KCTD16: variants seen among roughly 807,000 people sequenced by gnomAD.
KCTD16 encodes BTB/POZ domain-containing protein KCTD16.
A neutral mutation model predicts 33.2 loss-of-function variants in KCTD16; 13 were observed. That is an observed-to-expected ratio of 0.39 (90% CI 0.25 to 0.62). The LOEUF is 0.62. KCTD16 is among the 20% of genes least tolerant of loss of function. The probability of loss-of-function intolerance (pLI) is 0.50; values close to 1 mark genes in which losing one functional copy is unlikely to be tolerated. For synonymous variants in KCTD16, 197 were observed against 195.3 expected, an observed-to-expected ratio of 1.01 and a Z score of -0.07; for missense variants, 441 against 525.1, an observed-to-expected ratio of 0.84 and a Z score of 1.57.
rs1429182239 is a variant in KCTD16 at position 144,482,689 on chromosome 5, G to T, written c.*8575G>T. 2.6e-5 allele frequency: 4 copies of T among 151,850 alleles called. No individual in the cohort carries two copies. Among genetic ancestry groups the T allele is most frequent in the African/African-American group, 9.7e-5 (4 of 41,352 alleles). The allele number at this position is 151,850 out of a possible 1,614,324, so 9.4% of individuals were successfully genotyped here. On this transcript the variant is annotated 3_prime_UTR_variant, in exon 4 of 4. Coordinates refer to ENST00000512467, the MANE Select transcript of KCTD16 (RefSeq NM_020768.4). Reference sequence around the variant, plus strand: ...CACCGAAATACGTGCATGCATGTGTGAGTGTGTGTGTGTGAGGAGTGTGTG... The same window carrying T: ...CACCGAAATACGTGCATGCATGTGTTAGTGTGTGTGTGTGAGGAGTGTGTG...
At chr5:144,378,966 G>A (rs187031642) in intron 3 of KCTD16, among the ~76,000 whole-genome samples, 1 of 152,264 alleles carries the variant, frequency 6.6e-6, no homozygotes, top group South Asian at 2.1e-4. Flanking sequence ...ATTAATTGTG[G>A]CCTTTCTCTT....
rs918530622 is a variant in KCTD16, at chr5:144,483,064, C to T, written c.*8950C>T. The T allele has an allele frequency of 3.4e-5, 5 of 148,422 alleles. No individual in the cohort carries two copies. The highest frequency in any genetic ancestry group is 7.4e-5 in the Non-Finnish European group (5 of 67,308). 9.2% of individuals were successfully genotyped at this position (148,422 alleles called of 1,614,324 possible). Reference sequence around the variant, plus strand: ...AAAGTGCATTTAAGGAAACACCAAACTTGTAAAAACTGGCTCTCTTATCCA... The same window carrying T: ...AAAGTGCATTTAAGGAAACACCAAATTTGTAAAAACTGGCTCTCTTATCCA... On this transcript the variant is annotated 3_prime_UTR_variant, in exon 4 of 4. Coordinates refer to ENST00000512467, the MANE Select transcript of KCTD16 (RefSeq NM_020768.4).
chr5:144,349,099 T>C (rs1752881572), intron 3 of KCTD16, among the ~76,000 whole-genome samples: 1 of 152,198 alleles, frequency 6.6e-6, no homozygotes, highest in Non-Finnish European at 1.5e-5. Context: ...TAATCTGGGC[T>C]GTTGGGCCTT....
intron 3 of KCTD16, among the ~76,000 whole-genome samples, chr5:144,321,518 C>T (rs1449336997): frequency 1.3e-5 from 2 of 152,142 alleles, no homozygotes; most frequent in African/African-American, 4.8e-5. Context: ...TAATAACAAA[C>T]TTCTCTGCTT....
Position 144,483,854 on chromosome 5 carries a change from G to A in KCTD16, c.*9740G>A, listed in dbSNP as rs1025390205. On this transcript the variant is annotated 3_prime_UTR_variant, in exon 4 of 4. Coordinates refer to ENST00000512467, the MANE Select transcript of KCTD16 (RefSeq NM_020768.4). ...AAGCACTTGTAAACTAATTAAGCAC[G>A]GTCACTGAATCCTTTTTTCACCAGC... The A allele has an allele frequency of 1.3e-5, 2 of 151,800 alleles. No homozygotes were observed. The highest frequency in any genetic ancestry group is 4.8e-5 in the African/African-American group (2 of 41,360). 9.4% of individuals were successfully genotyped at this position (151,800 alleles called of 1,614,324 possible).
chr5:144,450,782 C>T (rs1253451233), intron 3 of KCTD16, among the ~76,000 whole-genome samples: 1 of 151,978 alleles, frequency 6.6e-6, no homozygotes, highest in Non-Finnish European at 1.5e-5. Flanking sequence ...ATGGTAGTTA[C>T]TAGGTATCGA....
rs145389174 is a variant in KCTD16, at chr5:144,209,908, G to GTATATA, written c.832+2373_832+2378dup. 1.3e-3 allele frequency among the ~76,000 whole-genome samples: 179 copies of GTATATA among 142,348 alleles called. 1 individual carries two copies. The highest frequency in any genetic ancestry group is 4.5e-3 in the African/African-American group (173 of 38,754). The allele number at this position is 142,348 out of a possible 152,430, so 93.4% of individuals were successfully genotyped here. Reference sequence around the variant, plus strand: ...TATATATATGTGTGTGTATATATATGTATATATATATATATACAAGCTCCT... The same window carrying GTATATA: ...TATATATATGTGTGTGTATATATATGTATATATATATATATATATATACAAGCTCCT... On this transcript the variant is annotated intron_variant, in intron 3 of 3. Transcript: ENST00000512467.
At chr5:144,393,964 T>C (rs1752508845) in intron 3 of KCTD16, among the ~76,000 whole-genome samples, 1 of 114,414 alleles carries the variant, frequency 8.7e-6, no homozygotes, top group Non-Finnish European at 1.8e-5. Flanking sequence ...TTCTTTTTTC[T>C]TTTTTTTTTT....
intron 3 of KCTD16, among the ~76,000 whole-genome samples, chr5:144,396,166 T>C (rs1053560138): frequency 7.2e-5 from 11 of 152,034 alleles, no homozygotes; most frequent in Non-Finnish European, 1.5e-4. Flanking sequence ...ACTGCAGGGA[T>C]TTATTAGGCT....
In KCTD16 at chr5:144,453,620, C is replaced by T. The variant is rs144782409; in HGVS notation, c.833-20040C>T. Among the ~76,000 whole-genome samples the T allele has an allele frequency of 2.0e-3, 303 of 152,102 alleles. 2 individuals are homozygous for T. Among genetic ancestry groups the T allele is most frequent in the African/African-American group, 6.8e-3 (281 of 41,492 alleles). On this transcript the variant is annotated intron_variant, in intron 3 of 3. Transcript: ENST00000512467. ...ATAGAAGAAATAATTATTTATTTTA[C>T]ACGATAAAAAATAAAATGTCATTAT...
At chr5:144,256,098 C>A (rs1274309712) in intron 3 of KCTD16, among the ~76,000 whole-genome samples, 1 of 152,204 alleles carries the variant, frequency 6.6e-6, no homozygotes, top group Non-Finnish European at 1.5e-5. Context: ...GAGATTATGA[C>A]TGTTACGTTA....
At chr5:144,417,352 GCATTTC>G (rs1753081757) in intron 3 of KCTD16, among the ~76,000 whole-genome samples, 1 of 151,898 alleles carries the variant, frequency 6.6e-6, no homozygotes, top group Non-Finnish European at 1.5e-5. Flanking sequence ...ATTTTCATTT[GCATTTC>G]CCTAATGACT....
intron 3 of KCTD16, among the ~76,000 whole-genome samples, chr5:144,438,474 C>T (rs2126974894): frequency 6.6e-6 from 1 of 152,324 alleles, no homozygotes; most frequent in Non-Finnish European, 1.5e-5. Context: ...GTGGGTATCA[C>T]TCCTAGACAA....
At position 144,206,720 on chromosome 5, in the gene KCTD16, T is replaced by C; in HGVS notation, c.6T>C (p.Ala2=). The C allele has an allele frequency of 1.2e-6, 2 of 1,611,374 alleles. No homozygotes were observed. Among genetic ancestry groups the C allele is most frequent in the Non-Finnish European group, 1.7e-6 (2 of 1,178,250 alleles). Residue 2 remains alanine (A), a synonymous_variant, in exon 3 of 4, where the codon GCT becomes GCC. Coordinates refer to ENST00000512467, the MANE Select transcript of KCTD16 (RefSeq NM_020768.4). M[A]LSGNCSRYYP... The stretch of plus-strand genomic sequence containing the variant: ...AGCAGCAGAAGAAAGGGACAATGGC[T>C]CTGAGTGGAAACTGTAGTCGTTATT...
At chr5:144,345,715 A>AT (rs895996880) in intron 3 of KCTD16, among the ~76,000 whole-genome samples, 1 of 152,034 alleles carries the variant, frequency 6.6e-6, no homozygotes, top group South Asian at 2.1e-4. Flanking sequence ...ATTAGATTTT[A>AT]TTTTTGTGGG....
rs550500777 is a variant in KCTD16 at position 144,479,565 on chromosome 5, T to C, written c.*5451T>C. On this transcript the variant is annotated 3_prime_UTR_variant, in exon 4 of 4. Coordinates refer to ENST00000512467, the MANE Select transcript of KCTD16 (RefSeq NM_020768.4). ...TTGAGTAAATATTGCCAAAGGAAAG[T>C]GAAGGATGTTTAATGAAACTGATGA... The C allele has an allele frequency of 6.6e-6, 1 of 151,832 alleles. No homozygotes were observed. The highest frequency in any genetic ancestry group is 1.5e-5 in the Non-Finnish European group (1 of 67,868). 9.4% of individuals were successfully genotyped at this position (151,832 alleles called of 1,614,324 possible).
chr5:144,433,048 A>T (rs1396613499), intron 3 of KCTD16, among the ~76,000 whole-genome samples: 1 of 152,272 alleles, frequency 6.6e-6, no homozygotes, highest in African/African-American at 2.4e-5. Flanking sequence ...TGGCAGAACC[A>T]CGTGTGTACC....
intron 3 of KCTD16, among the ~76,000 whole-genome samples, chr5:144,462,216 C>A (rs1216807569): frequency 2.0e-5 from 3 of 151,894 alleles, no homozygotes; most frequent in African/African-American, 7.3e-5. Context: ...AATTGCATTT[C>A]TTTGTCTTCA....
chr5:144,393,210 A>G (rs1752490659), intron 3 of KCTD16, among the ~76,000 whole-genome samples: 1 of 152,148 alleles, frequency 6.6e-6, no homozygotes, highest in African/African-American at 2.4e-5. Flanking sequence ...ATCTTGTGAT[A>G]TTAGTTGGTG....
Sources: gnomAD v4.1 joint callset for allele counts (sites outside exome capture counted in the v4.1 genomes callset) on GRCh38, gnomAD v4.1.1 for gene constraint, MANE v1.5 for transcripts, NCBI Gene and HGNC (gene_info 2026-07-23, HGNC 2026-07-21) for gene names.